COL19A1: variants seen among roughly 807,000 people sequenced by gnomAD.
COL19A1 encodes collagen type XIX alpha 1 chain.
Under a neutral mutation model 190.2 loss-of-function variants are expected in COL19A1, and 159 were observed. That is an observed-to-expected ratio of 0.84 (90% CI 0.73 to 0.95). The LOEUF (loss-of-function observed/expected upper bound fraction) is 0.95. Among genes scored for constraint, COL19A1 ranks in the 40% least tolerant of loss-of-function variants. The pLI, the probability that COL19A1 is intolerant of heterozygous loss-of-function variation, is 0.00. For missense variants in COL19A1, 1,418 were observed against 1,431.9 expected (o/e 0.99, Z 0.16); for synonymous variants, 509 against 458.9 (o/e 1.11, Z -1.39).
At chr6:69,894,710 G>T (rs957283873) in intron 2 of COL19A1, among the ~76,000 whole-genome samples, 2 of 152,136 alleles carry the variant, frequency 1.3e-5, no homozygotes, top group Admixed American at 6.5e-5. Context: ...CCTAAGGCAG[G>T]ATTGCTAAAC....
At chr6:69,986,112 A>G (rs984733424) in intron 11 of COL19A1, among the ~76,000 whole-genome samples, 3 of 151,798 alleles carry the variant, frequency 2.0e-5, no homozygotes, top group Admixed American at 2.0e-4. Context: ...AGTCAGGAAG[A>G]AAGCAAATTT....
rs1212448746 is a variant in COL19A1, at chr6:70,211,852, T to A, written c.*4578T>A. Among the ~76,000 whole-genome samples the A allele has an allele frequency of 6.6e-6, 1 of 151,940 alleles. No individual in the cohort carries two copies. Among genetic ancestry groups the A allele is most frequent in the Non-Finnish European group, 1.5e-5 (1 of 67,976 alleles). On this transcript the variant is annotated 3_prime_UTR_variant, in exon 51 of 51. Coordinates refer to ENST00000620364, the MANE Select transcript of COL19A1 (RefSeq NM_001858.6). Reference sequence around the variant, plus strand: ...ACAAGTAGACCCAGCACAGCAAAAATTTGTCTGAAAGATAAGACAAGCTTA... The same window carrying A: ...ACAAGTAGACCCAGCACAGCAAAAAATTGTCTGAAAGATAAGACAAGCTTA...
chr6:70,032,518 C>T (rs1779129505), intron 12 of COL19A1, among the ~76,000 whole-genome samples: 2 of 151,784 alleles, frequency 1.3e-5, no homozygotes, highest in South Asian at 4.2e-4. Flanking sequence ...CCAAATTAAG[C>T]AAAATAAAAG....
intron 48 of COL19A1, among the ~76,000 whole-genome samples, chr6:70,196,711 G>A (rs984241052): frequency 3.9e-5 from 6 of 152,198 alleles, no homozygotes; most frequent in Non-Finnish European, 7.3e-5. Context: ...GATGGAAAAT[G>A]TGTGTTTGGT....
chr6:69,945,159 T>C (rs1249666025), intron 9 of COL19A1, among the ~76,000 whole-genome samples: 2 of 152,030 alleles, frequency 1.3e-5, no homozygotes, highest in Admixed American at 1.3e-4. Flanking sequence ...GGAATAATTT[T>C]CCAGTTTATT....
chr6:70,093,755 C>A (rs980773678), intron 15 of COL19A1, among the ~76,000 whole-genome samples: 3 of 152,074 alleles, frequency 2.0e-5, no homozygotes, highest in African/African-American at 7.2e-5. Context: ...TTTAATGAAT[C>A]ATTTATTCAG....
chr6:70,186,424 T>C (rs955684061), intron 46 of COL19A1, among the ~76,000 whole-genome samples: 1 of 152,218 alleles, frequency 6.6e-6, no homozygotes, highest in African/African-American at 2.4e-5. Flanking sequence ...ACTAAGACAG[T>C]AGCATTGATA....
At chr6:70,035,823 G>T in intron 13 of COL19A1, 81 bp from the exon 14 acceptor site, 4 of 1,117,020 alleles carry the variant, frequency 3.6e-6, no homozygotes, top group Non-Finnish European at 5.4e-6. Flanking sequence ...TCTATATATT[G>T]CTTCTATCCA....
At chr6:70,088,239 C>G (rs766625424) in intron 15 of COL19A1, among the ~76,000 whole-genome samples, 2 of 152,132 alleles carry the variant, frequency 1.3e-5, no homozygotes, top group Non-Finnish European at 2.9e-5. Flanking sequence ...TTCATATATT[C>G]TAGCCCACTA....
chr6:70,106,545 C>T (rs1352903086), intron 16 of COL19A1, among the ~76,000 whole-genome samples: 4 of 152,108 alleles, frequency 2.6e-5, no homozygotes, highest in African/African-American at 7.2e-5. Flanking sequence ...TCAATAGCAA[C>T]TTTTTGTGTC....
At chr6:69,921,256 C>CATAT (rs1417500727) in intron 4 of COL19A1, among the ~76,000 whole-genome samples, 1 of 125,854 alleles carries the variant, frequency 7.9e-6, no homozygotes, top group African/African-American at 3.2e-5. Context: ...TGTCATATAT[C>CATAT]ATATCATATA....
Position 70,161,792 on chromosome 6 carries a change from G to T in COL19A1, c.2293-108G>T, listed in dbSNP as rs538353646. ...GTATATGACAAACATTATGTTTCTCGATTAGCTAAATAAGTGTTTAATGTT... is the reference window on the plus strand; with the variant it reads ...GTATATGACAAACATTATGTTTCTCTATTAGCTAAATAAGTGTTTAATGTT... On this transcript the variant is annotated intron_variant, in intron 34 of 50. Transcript: ENST00000620364. 7.2e-5 allele frequency: 47 copies of T among 652,120 alleles called. No individual in the cohort carries two copies. The African/African-American group carries it at 7.5e-4, about 10-fold the overall frequency. The allele number at this position is 652,120 out of a possible 1,614,324, so 40.4% of individuals were successfully genotyped here.
intron 47 of COL19A1, among the ~76,000 whole-genome samples, chr6:70,189,950 T>A (rs1766750956): frequency 6.6e-6 from 1 of 152,246 alleles, no homozygotes. Flanking sequence ...AAAAGTTAAA[T>A]TGTGATTAGG....
At chr6:70,055,395 T>TAAA (rs796348302) in intron 14 of COL19A1, among the ~76,000 whole-genome samples, 40 of 143,984 alleles carry the variant, frequency 2.8e-4, no homozygotes, top group African/African-American at 9.8e-4. Flanking sequence ...CTTGTAATAG[T>TAAA]AAAAAAAAAA....
intron 31 of COL19A1, among the ~76,000 whole-genome samples, chr6:70,152,643 T>A (rs999336461): frequency 1.3e-5 from 2 of 152,122 alleles, no homozygotes; most frequent in Non-Finnish European, 2.9e-5. Context: ...TTCAGGCTGT[T>A]GCGCATTCCC....
chr6:70,034,053 T>G (rs962270025), intron 12 of COL19A1, among the ~76,000 whole-genome samples, 192 bp from the exon 13 acceptor site: 1 of 152,186 alleles, frequency 6.6e-6, no homozygotes, highest in Non-Finnish European at 1.5e-5. Context: ...CGCGCTGATT[T>G]AATGTATCTG....
In COL19A1 at chr6:70,117,782, C is replaced by T. The variant is rs180880913; in HGVS notation, c.1279-4098C>T. Reference sequence around the variant, plus strand: ...CCAATCCCATACAAATAGAGTGAAGCAAATCTCCGTAAAAAACAGACATTG... The same window carrying T: ...CCAATCCCATACAAATAGAGTGAAGTAAATCTCCGTAAAAAACAGACATTG... On this transcript the variant is annotated intron_variant, in intron 16 of 50. Coordinates refer to ENST00000620364, the MANE Select transcript of COL19A1 (RefSeq NM_001858.6). 1.4e-3 allele frequency among the ~76,000 whole-genome samples: 220 copies of T among 152,306 alleles called. 1 individual carries two copies. The highest frequency in any genetic ancestry group is 2.8e-3 in the Admixed American group (43 of 15,296).
intron 16 of COL19A1, among the ~76,000 whole-genome samples, chr6:70,114,683 A>G (rs1195605158): frequency 2.0e-5 from 3 of 151,900 alleles, no homozygotes; most frequent in African/African-American, 7.3e-5. Context: ...TTTTATTATC[A>G]CCTGCATGTA....
chr6:70,173,121 GCCTATT>G (rs1765593386), intron 41 of COL19A1, among the ~76,000 whole-genome samples: 1 of 152,230 alleles, frequency 6.6e-6, no homozygotes, highest in Admixed American at 6.5e-5. Flanking sequence ...TATGAGCAAG[GCCTATT>G]TTGAAGGGGT....
Sources: allele counts gnomAD v4.1 joint callset (sites outside exome capture counted in the v4.1 genomes callset), GRCh38; gene constraint gnomAD v4.1.1; transcripts MANE v1.5; gene names NCBI Gene and HGNC (gene_info 2026-07-23, HGNC 2026-07-21).